CPXM2: variants seen among roughly 807,000 people sequenced by gnomAD.
CPXM2 encodes the protein inactive carboxypeptidase-like protein X2.
Under a neutral mutation model 86.1 loss-of-function variants are expected in CPXM2, and 66 were observed. That is an observed-to-expected ratio of 0.77 (90% CI 0.63 to 0.94). CPXM2 has a LOEUF of 0.94. Ranked by LOEUF, CPXM2 falls within the 40% of genes least tolerant of loss-of-function variation. The probability of loss-of-function intolerance (pLI) is 0.00; values close to 1 mark genes in which losing one functional copy is unlikely to be tolerated. For missense variants in CPXM2, 948 were observed against 1,026.3 expected (o/e 0.92, Z 1.04); for synonymous variants, 388 against 400.2 (o/e 0.97, Z 0.36).
intron 3 of CPXM2, among the ~76,000 whole-genome samples, chr10:123,851,544 C>T (rs368790820): frequency 1.8e-4 from 28 of 152,104 alleles, no homozygotes; most frequent in Non-Finnish European, 3.2e-4. Flanking sequence ...CCAAGGCGGG[C>T]GGATCACAAG....
At chr10:123,908,652 G>A (rs1945464088) in intron 2 of CPXM2, among the ~76,000 whole-genome samples, 1 of 152,148 alleles carries the variant, frequency 6.6e-6, no homozygotes, top group African/African-American at 2.4e-5. Context: ...ACCAGGAATG[G>A]CTGCACAGGG....
intron 4 of CPXM2, among the ~76,000 whole-genome samples, chr10:123,806,367 C>A (rs1324138698): frequency 6.6e-6 from 1 of 152,056 alleles, no homozygotes; most frequent in Admixed American, 6.5e-5. Flanking sequence ...ATTGAGTAAA[C>A]GTGCAATAAG....
chr10:123,861,121 C>A (rs528383291), intron 3 of CPXM2, among the ~76,000 whole-genome samples: 7 of 152,186 alleles, frequency 4.6e-5, no homozygotes, highest in Admixed American at 4.6e-4. Context: ...CAGCAGCTGC[C>A]CCTAGCACAT....
intron 2 of CPXM2, among the ~76,000 whole-genome samples, chr10:123,939,135 T>C (rs918069719): frequency 1.3e-5 from 2 of 152,190 alleles, no homozygotes; most frequent in Non-Finnish European, 2.9e-5. Context: ...CAATTAAACT[T>C]GTCCCTCAGA....
chr10:123,777,447 G>C (rs1037505357), intron 7 of CPXM2: 1 of 152,574 alleles, frequency 6.6e-6, no homozygotes, highest in African/African-American at 2.4e-5. Context: ...CCACTGGGCA[G>C]CCTGCCTCAG....
intron 1 of CPXM2, among the ~76,000 whole-genome samples, chr10:123,884,036 T>C (rs546131580): frequency 1.3e-5 from 2 of 152,212 alleles, no homozygotes; most frequent in South Asian, 2.1e-4. Flanking sequence ...TCTTGGTTAA[T>C]AGAGAACTAT....
chr10:123,828,861 T>C (rs1848100915), intron 4 of CPXM2, among the ~76,000 whole-genome samples: 1 of 152,176 alleles, frequency 6.6e-6, no homozygotes, highest in Non-Finnish European at 1.5e-5. Context: ...AAGCAGGAAA[T>C]TGAACTTGGT....
intron 4 of CPXM2, among the ~76,000 whole-genome samples, chr10:123,816,448 T>G (rs1847816401): frequency 1.3e-5 from 2 of 152,336 alleles, no homozygotes; most frequent in South Asian, 4.1e-4. Flanking sequence ...TTGCAGAGAT[T>G]AGCGCCGCCA....
intron 4 of CPXM2, among the ~76,000 whole-genome samples, chr10:123,813,256 T>C (rs1359626846): frequency 2.0e-5 from 3 of 152,236 alleles, no homozygotes; most frequent in Non-Finnish European, 2.9e-5. Flanking sequence ...GCACTTCAGT[T>C]TGCAAAATGC....
At chr10:123,912,505 C>T (rs1457091462) in intron 2 of CPXM2, among the ~76,000 whole-genome samples, 1 of 152,254 alleles carries the variant, frequency 6.6e-6, no homozygotes, top group Non-Finnish European at 1.5e-5. Flanking sequence ...GACTGGTGCC[C>T]TCCCAGACAT....
intron 7 of CPXM2, among the ~76,000 whole-genome samples, chr10:123,774,969 C>A (rs1261140156): frequency 6.6e-6 from 1 of 152,176 alleles, no homozygotes; most frequent in Non-Finnish European, 1.5e-5. Flanking sequence ...TCTACTAAGT[C>A]TCATCATCAT....
intron 2 of CPXM2, among the ~76,000 whole-genome samples, chr10:123,905,939 G>GGCTCTCGGGTTCTAT (rs2134265535): frequency 6.6e-6 from 1 of 152,228 alleles, no homozygotes; most frequent in African/African-American, 2.4e-5. Flanking sequence ...CCCGAGCTCT[G>GGCTCTCGGGTTCTAT]GCTCTCGGGT....
In CPXM2 at chr10:123,794,768, T is replaced by TGC. The variant is rs59998562; in HGVS notation, c.889+3206_889+3207dup. Among the ~76,000 whole-genome samples, 508 of 147,678 alleles carry TGC rather than the reference T, an allele frequency of 3.4e-3. 1 individual carries two copies. Among genetic ancestry groups the TGC allele is most frequent in the African/African-American group, 0.011 (419 of 38,578 alleles). On this transcript the variant is annotated intron_variant, in intron 6 of 13. Coordinates refer to ENST00000241305, the MANE Select transcript of CPXM2 (RefSeq NM_198148.3). ...GTGTGTGTGTGTGTGTGTGTGTGTG[T>TGC]GCGCATGTGTGTGTGTATTTGAGAC...
chr10:123,905,240 C>T (rs1163866963), intron 2 of CPXM2, among the ~76,000 whole-genome samples: 1 of 152,226 alleles, frequency 6.6e-6, no homozygotes, highest in African/African-American at 2.4e-5. Context: ...AGCCTGGGAG[C>T]CGGGCCATTT....
intron 4 of CPXM2, among the ~76,000 whole-genome samples, chr10:123,810,714 C>T (rs1234647020): frequency 1.3e-5 from 2 of 152,022 alleles, no homozygotes; most frequent in Non-Finnish European, 2.9e-5. Context: ...GGGATCTATA[C>T]CATGTTCATT....
chr10:123,833,807 C>A (rs1174137636), intron 4 of CPXM2, among the ~76,000 whole-genome samples: 1 of 152,174 alleles, frequency 6.6e-6, no homozygotes, highest in Non-Finnish European at 1.5e-5. Context: ...CACATTTCGG[C>A]TTAGCTGGAG....
intron 9 of CPXM2, chr10:123,768,322 G>A (rs921206093): frequency 6.8e-5 from 18 of 264,334 alleles, no homozygotes; most frequent in South Asian, 3.1e-4. Context: ...TGCAGTGAGC[G>A]GAGATCACGC....
intron 6 of CPXM2, among the ~76,000 whole-genome samples, chr10:123,792,753 T>G (rs561803080): frequency 6.6e-6 from 1 of 152,310 alleles, no homozygotes; most frequent in South Asian, 2.1e-4. Context: ...TCCCCAGACC[T>G]TCTGCAATAC....
intron 4 of CPXM2, among the ~76,000 whole-genome samples, chr10:123,824,932 A>G (rs890175181): frequency 6.6e-6 from 1 of 152,254 alleles, no homozygotes; most frequent in African/African-American, 2.4e-5. Flanking sequence ...TGGGAAGGCA[A>G]GGCCAATGTA....
Sources: gnomAD v4.1 joint callset for allele counts (sites outside exome capture counted in the v4.1 genomes callset) on GRCh38, gnomAD v4.1.1 for gene constraint, MANE v1.5 for transcripts, NCBI Gene and HGNC (gene_info 2026-07-23, HGNC 2026-07-21) for gene names.